GPBP1L1: variants seen among roughly 807,000 people sequenced by gnomAD.
The protein encoded by GPBP1L1 is vasculin-like protein 1.
Under a neutral mutation model 52.5 loss-of-function variants are expected in GPBP1L1, and 23 were observed. The observed-to-expected ratio is 0.44, with a 90% confidence interval of 0.32 to 0.62. The LOEUF (loss-of-function observed/expected upper bound fraction) is 0.62, where lower values mean the gene tolerates loss of function less well. Ranked by LOEUF, GPBP1L1 falls within the 20% of genes least tolerant of loss-of-function variation. The pLI is 0.06. For synonymous variants in GPBP1L1, 243 were observed against 203.1 expected, an observed-to-expected ratio of 1.20 and a Z score of -1.67; for missense variants, 596 against 579.3, an observed-to-expected ratio of 1.03 and a Z score of -0.30.
Position 45,660,338 on chromosome 1 carries a change from T to C in GPBP1L1, c.-210A>G. 1 of 985,134 alleles carries C rather than the reference T, an allele frequency of 1.0e-6. No homozygotes were observed. Among genetic ancestry groups the C allele is most frequent in the Non-Finnish European group, 1.2e-6 (1 of 829,904 alleles). 61.0% of individuals were successfully genotyped at this position (985,134 alleles called of 1,614,324 possible). On this transcript the variant is annotated 5_prime_UTR_variant, in exon 3 of 13. Transcript: ENST00000355105. ...AAGCCAGGTTCTGTGTCGATCACTCTCTCAGTCCCCTCAACTGCTCATCTT... is the reference window on the plus strand; with the variant it reads ...AAGCCAGGTTCTGTGTCGATCACTCCCTCAGTCCCCTCAACTGCTCATCTT...
At chr1:45,643,862 G>T (rs1482075107) in intron 6 of GPBP1L1, among the ~76,000 whole-genome samples, 1 of 151,760 alleles carries the variant, frequency 6.6e-6, no homozygotes, top group Non-Finnish European at 1.5e-5. Context: ...TACAGACAGG[G>T]TTTCACCATG....
At chr1:45,674,718 T>C (rs533954019) in intron 2 of GPBP1L1, among the ~76,000 whole-genome samples, 2 of 152,332 alleles carry the variant, frequency 1.3e-5, no homozygotes, top group African/African-American at 4.8e-5. Flanking sequence ...CCTGATACTG[T>C]ACAGGGTATG....
In GPBP1L1 at chr1:45,633,609, G is replaced by C. The variant is rs1644558359; in HGVS notation, c.924C>G (p.Ser308=). ...SSTTPPIEIS[S]SRLTKLTRRT... ...GGCGGGTCAACTTGGTCAGACGAGA[G>C]GAGCTGATCTCAATTGGAGGGGTGG... The change falls in exon 10 of 13, where the codon TCC becomes TCG. Residue 308 remains serine, a synonymous_variant. Transcript: ENST00000355105. 6.2e-7 allele frequency: 1 copy of C among 1,613,862 alleles called. No individual in the cohort carries two copies. The highest frequency in any genetic ancestry group is 1.7e-5 in the Admixed American group (1 of 59,992).
rs1320392360 is a variant in GPBP1L1 at position 45,683,484 on chromosome 1, C to T, written c.-1098+2092G>A. Among the ~76,000 whole-genome samples the T allele has an allele frequency of 3.3e-5, 5 of 150,722 alleles. No homozygotes were observed. The East Asian group carries it at 7.9e-4, about 24-fold the overall frequency. On this transcript the variant is annotated intron_variant, in intron 2 of 12. Transcript: ENST00000355105. ...CCTCCCAAAGTGCTGGGATTACAGG[C>T]GTGAGCCACCGCGCCCGGCCTGAAT...
intron 6 of GPBP1L1, chr1:45,645,767 T>TG: frequency 6.5e-6 from 2 of 309,986 alleles, no homozygotes; most frequent in Admixed American, 4.7e-5. Flanking sequence ...CGAAGTTTTT[T>TG]GTTTTTTTTT....
At chr1:45,635,749 G>C (rs531556801) in intron 8 of GPBP1L1, 1 of 152,074 alleles carries the variant, frequency 6.6e-6, no homozygotes, top group South Asian at 2.1e-4. Context: ...ATCAACCCTA[G>C]CTTGCTCCAC....
rs1452800216 is a variant in GPBP1L1, at chr1:45,628,152, G to C, written c.*104C>G. The C allele has an allele frequency of 2.8e-6, 3 of 1,064,922 alleles. No individual in the cohort carries two copies. The African/African-American group carries it at 4.7e-5, about 17-fold the overall frequency. 66.0% of individuals were successfully genotyped at this position (1,064,922 alleles called of 1,614,324 possible). A position where few individuals can be genotyped will look rare whatever the true frequency, so the allele number is the denominator to read the frequency against. ...GGATATGATTATTTCCCTTGTGAAT[G>C]AAGTATTCAACAACATAAGAAAAGG... is the stretch of plus-strand genomic sequence containing the variant. On this transcript the variant is annotated 3_prime_UTR_variant, in exon 13 of 13. Transcript: ENST00000355105.
chr1:45,635,079 G>C (rs1644577326), intron 8 of GPBP1L1: 1 of 152,138 alleles, frequency 6.6e-6, no homozygotes, highest in African/African-American at 2.4e-5. Flanking sequence ...AATAGCTTTA[G>C]GAAAGGAATT....
At chr1:45,660,145 G>C (rs1644931836) in intron 3 of GPBP1L1, 39 bp downstream of exon 3, 5 of 969,780 alleles carry the variant, frequency 5.2e-6, no homozygotes, top group Non-Finnish European at 6.1e-6. Flanking sequence ...CATATACATA[G>C]AGTCTTCTTT....
At chr1:45,658,768 AAAC>A (rs1164471197) in intron 4 of GPBP1L1, 28 of 447,246 alleles carry the variant, frequency 6.3e-5, no homozygotes, top group South Asian at 1.6e-4. Context: ...CATCTCTATA[AAAC>A]AACAACAACA....
chr1:45,659,025 T>C lies in GPBP1L1; in HGVS notation c.60+3A>G, dbSNP rs1245703557. 6 of 1,591,554 alleles carry C rather than the reference T, an allele frequency of 3.8e-6. No homozygotes were observed. The highest frequency in any genetic ancestry group is 1.3e-5 in the African/African-American group (1 of 74,524). On this transcript the variant is annotated splice_donor_region_variant and intron_variant, in intron 4 of 12. Transcript: ENST00000355105. ...AAGTTACTACAGGAATGGAGAACAG[T>C]ACCTTAGCTGACTGTGGTGTTGAGA... is the stretch of plus-strand genomic sequence containing the variant.
chr1:45,670,375 T>G (rs4534429), intron 2 of GPBP1L1, among the ~76,000 whole-genome samples: 1 of 152,246 alleles, frequency 6.6e-6, no homozygotes, highest in African/African-American at 2.4e-5. Flanking sequence ...TGCAAATACC[T>G]TTTTCCACTT....
Position 45,654,527 on chromosome 1 carries a change from A to T in GPBP1L1, c.477+16T>A, listed in dbSNP as rs757894075. The T allele has an allele frequency of 6.3e-7, 1 of 1,591,636 alleles. No individual in the cohort carries two copies. Among genetic ancestry groups the T allele is most frequent in the African/African-American group, 1.3e-5 (1 of 74,412 alleles). ...TTTGTTGGCTTCTAACCACACATCTAAAGATTCATACTTACAAAGTCCTCC... is the reference window on the plus strand; with the variant it reads ...TTTGTTGGCTTCTAACCACACATCTTAAGATTCATACTTACAAAGTCCTCC... On this transcript the variant is annotated intron_variant, in intron 6 of 12. Transcript: ENST00000355105.
At chr1:45,683,739 T>A in intron 2 of GPBP1L1, among the ~76,000 whole-genome samples, 1 of 107,718 alleles carries the variant, frequency 9.3e-6, no homozygotes, top group Non-Finnish European at 1.9e-5. Flanking sequence ...CCCCCTCCTC[T>A]CTAATAAAAT....
At chr1:45,648,371 T>C (rs1373298996) in intron 6 of GPBP1L1, among the ~76,000 whole-genome samples, 1 of 152,248 alleles carries the variant, frequency 6.6e-6, no homozygotes, top group Admixed American at 6.5e-5. Context: ...GTTTGAACTC[T>C]TGACTGGTCC....
At chr1:45,683,561 T>C (rs981503617) in intron 2 of GPBP1L1, among the ~76,000 whole-genome samples, 1 of 147,314 alleles carries the variant, frequency 6.8e-6, no homozygotes, top group African/African-American at 2.5e-5. Flanking sequence ...TTTCCTCAAC[T>C]ACAAAATAGG....
chr1:45,671,590 G>A (rs1415590382), intron 2 of GPBP1L1, among the ~76,000 whole-genome samples: 1 of 151,610 alleles, frequency 6.6e-6, no homozygotes, highest in East Asian at 2.0e-4. Context: ...AGGCTGAGGT[G>A]GGAGAATTGC....
At chr1:45,661,870 A>G (rs576920234) in intron 2 of GPBP1L1, among the ~76,000 whole-genome samples, 1 of 152,218 alleles carries the variant, frequency 6.6e-6, no homozygotes, top group Admixed American at 6.5e-5. Flanking sequence ...TCAGATATAG[A>G]TTTTTCTCTC....
At chr1:45,672,653 C>T (rs144679900) in intron 2 of GPBP1L1, among the ~76,000 whole-genome samples, 139 of 152,164 alleles carry the variant, frequency 9.1e-4, no homozygotes, top group African/African-American at 3.2e-3. Context: ...TTATTTAAAT[C>T]CATGGACCCA....
Sources: allele counts gnomAD v4.1 joint callset (sites outside exome capture counted in the v4.1 genomes callset), GRCh38; gene constraint gnomAD v4.1.1; transcripts MANE v1.5; gene names NCBI Gene and HGNC (gene_info 2026-07-23, HGNC 2026-07-21).